The following FBXL18 variants were observed in gnomAD, a reference collection of about 807,000 sequenced individuals.
The protein encoded by FBXL18 is F-box and leucine rich repeat protein 18, also known as F-box/LRR-repeat protein 18.
A neutral mutation model predicts 46.0 loss-of-function variants in FBXL18; 36 were observed. The ratio of observed to expected loss-of-function variants is 0.78; its 90% CI spans 0.60 to 1.03. FBXL18 has a LOEUF of 1.03. Among genes scored for constraint, FBXL18 ranks in the 50% least tolerant of loss-of-function variants. The pLI is 0.00. For missense variants in FBXL18, 977 were observed against 1,004.1 expected (o/e 0.97, Z 0.36); for synonymous variants, 557 against 465.3 (o/e 1.20, Z -2.54).
chr7:5,494,456 TTAAA>T lies in FBXL18; in HGVS notation c.1782-3011_1782-3008del, dbSNP rs371224540. ...CACACAAAAAAATAAATAAATAAAA[TTAAA>T]TAAATAATAAAATAAAACATCCAAA... On this transcript the variant is annotated intron_variant, in intron 3 of 4. Transcript: ENST00000382368. Among the ~76,000 whole-genome samples the T allele has an allele frequency of 4.6e-3, 697 of 152,156 alleles. 6 individuals are homozygous for T. The highest frequency in any genetic ancestry group is 0.017 in the Middle Eastern group (5 of 294).
rs367804446 is a variant in FBXL18 at position 5,481,901 on chromosome 7, G to T, written c.2031C>A (p.Val677=). Residue 677 remains valine (V), a synonymous_variant, in exon 5 of 5, where the codon GTC becomes GTA. Coordinates refer to ENST00000382368, the MANE Select transcript of FBXL18 (RefSeq NM_024963.6). ...CCTCGTGGAGCAGAGGGAAGATGAC[G>T]ACGTTTAACGCGGGCCGCTCGGCCT... ...SFQAERPALN[V]VIFPLLHEGL... is the part of the protein sequence containing the mutation. 3 of 1,612,384 alleles carry T rather than the reference G, an allele frequency of 1.9e-6. 1 individual carries two copies. In the South Asian group the frequency reaches 3.3e-5, roughly 18 times the overall value.
In FBXL18 at chr7:5,483,581, C is replaced by T. The variant is rs891567889; in HGVS notation, c.2001-1650G>A. Among the ~76,000 whole-genome samples, 148 of 151,798 alleles carry T rather than the reference C, an allele frequency of 9.7e-4. 5 individuals are homozygous for T. The highest frequency in any genetic ancestry group is 3.1e-4 in the Non-Finnish European group (21 of 67,964). ...CCAACATGGAGAAACCCCATCTCTA[C>T]TAATAATACAAAATTAGCCGGGCAT... On this transcript the variant is annotated intron_variant, in intron 4 of 4. Coordinates refer to ENST00000382368, the MANE Select transcript of FBXL18 (RefSeq NM_024963.6).
At position 5,481,835 on chromosome 7, in the gene FBXL18, C is replaced by G. The variant is rs1391936056; in HGVS notation, c.2097G>C (p.Leu699=). The G allele has an allele frequency of 6.2e-7, 1 of 1,613,848 alleles. No homozygotes were observed. ...DVIRDVPLVH[L]DEITLFKSRV... ...TGCTCTTAAATAAGGTGATCTCATC[C>G]AGGTGCACCAGGGGGACGTCCCGGA... Residue 699 remains leucine (L), a synonymous_variant, in exon 5 of 5, where the codon CTG becomes CTC. Transcript: ENST00000382368.
intron 1 of FBXL18, among the ~76,000 whole-genome samples, chr7:5,506,968 G>A (rs181683753): frequency 1.6e-3 from 251 of 152,330 alleles, no homozygotes; most frequent in African/African-American, 5.7e-3. Context: ...AGAGGGAGAA[G>A]AGCTGGACCT....
intron 1 of FBXL18, among the ~76,000 whole-genome samples, chr7:5,512,960 C>A (rs1784577988): frequency 6.6e-6 from 1 of 152,274 alleles, no homozygotes; most frequent in South Asian, 2.1e-4. Context: ...ACCCAACGAT[C>A]TGAGACCTGA....
rs1584197813 is a variant in FBXL18 at position 5,479,358 on chromosome 7, A to C, written c.*2417T>G. ...CTAGCCCGAGTGGGGAATGTTCTGG[A>C]GGAAGGAGTGGGGCGGAGCTGCGGT... is the stretch of plus-strand genomic sequence containing the variant. On this transcript the variant is annotated 3_prime_UTR_variant, in exon 5 of 5. Transcript: ENST00000382368. The C allele has an allele frequency of 6.6e-6, 1 of 152,386 alleles. No homozygotes were observed. The highest frequency in any genetic ancestry group is 1.5e-5 in the Non-Finnish European group (1 of 68,116). 9.4% of individuals were successfully genotyped at this position (152,386 alleles called of 1,614,324 possible). A position where few individuals can be genotyped will look rare whatever the true frequency, so the allele number is the denominator to read the frequency against.
chr7:5,484,706 T>C (rs1428752815), intron 4 of FBXL18, among the ~76,000 whole-genome samples: 1 of 151,012 alleles, frequency 6.6e-6, no homozygotes, highest in African/African-American at 2.4e-5. Context: ...TCGCGTGATC[T>C]TGGCTCAATG....
chr7:5,463,706 T>TATATATATATATA lies in FBXL18; in HGVS notation c.2001-15864_2001-15863insTATATATATATAT, dbSNP rs374634728. On this transcript the variant is annotated intron_variant and NMD_transcript_variant, in intron 4 of 6. Coordinates refer to the FBXL18 transcript ENST00000415009. ...TCATGCCCCTGAACTATATATATAT[T>TATATATATATATA]TATTTATTTATTTATTTATTTATTT... 1.1e-3 allele frequency among the ~76,000 whole-genome samples: 64 copies of TATATATATATATA among 59,450 alleles called. 7 individuals are homozygous for TATATATATATATA. Among genetic ancestry groups the TATATATATATATA allele is most frequent in the African/African-American group, 3.2e-3 (43 of 13,536 alleles). The allele number at this position is 59,450 out of a possible 152,430, so 39.0% of individuals were successfully genotyped here.
intron 4 of FBXL18, among the ~76,000 whole-genome samples, chr7:5,457,901 G>A (rs891049928): frequency 1.5e-4 from 23 of 152,154 alleles, no homozygotes; most frequent in African/African-American, 5.3e-4. Context: ...CCCCTGCCAC[G>A]ACGGAGCAAC....
At chr7:5,463,116 A>G (rs928059934) in intron 4 of FBXL18, among the ~76,000 whole-genome samples, 1 of 149,926 alleles carries the variant, frequency 6.7e-6, no homozygotes, top group African/African-American at 2.5e-5. Flanking sequence ...CCTCACATCT[A>G]CTAAGATGCC....
chr7:5,501,533 C>T lies in FBXL18; in HGVS notation c.736G>A (p.Val246Met), dbSNP rs371404308. The change falls in exon 3 of 5, where the codon GTG becomes ATG. Residue 246 changes from valine (V) to methionine (M), a missense_variant. Coordinates refer to ENST00000382368, the MANE Select transcript of FBXL18 (RefSeq NM_024963.6). ...AGCACAGCCAGGTAGAGCCGCACCA[C>T]CTCCTGGTTGATGTAGCCGGGGGCC... ...RLAPGYINQE[V>M]VRLYLAVLSD... is the part of the protein sequence containing the mutation. 3.1e-6 allele frequency: 5 copies of T among 1,613,830 alleles called. No homozygotes were observed. Among genetic ancestry groups the T allele is most frequent in the Non-Finnish European group, 4.2e-6 (5 of 1,180,020 alleles).
chr7:5,465,178 T>A (rs1407848045), intron 4 of FBXL18, among the ~76,000 whole-genome samples: 3 of 152,216 alleles, frequency 2.0e-5, no homozygotes, highest in Admixed American at 6.5e-5. Context: ...ATTTTTTGTT[T>A]ACCAGATCTA....
At chr7:5,499,707 GGT>G (rs1231401871) in intron 3 of FBXL18, among the ~76,000 whole-genome samples, 10 of 150,080 alleles carry the variant, frequency 6.7e-5, no homozygotes, top group Non-Finnish European at 3.0e-5. Flanking sequence ...CTCCAGCCTG[GGT>G]GTGTAGAATG....
In FBXL18 at chr7:5,505,416, T is replaced by C. The variant is rs535129166; in HGVS notation, c.233A>G (p.Tyr78Cys). 6.2e-7 allele frequency: 1 copy of C among 1,614,028 alleles called. No homozygotes were observed. The highest frequency in any genetic ancestry group is 1.3e-5 in the African/African-American group (1 of 75,020). The change falls in exon 2 of 5, where the codon TAT (tyrosine) becomes TGT (cysteine). Residue 78 changes from tyrosine (Y) to cysteine (C), a missense_variant. By Grantham distance (194) the Tyr-to-Cys change is radical. Transcript: ENST00000382368. The part of the protein sequence containing the change: ...LIHTVLLQKD[Y>C]QASEDKVRQL... ...CCTGCCCCCACGCCTGCTCACCTGA[T>C]AGTCCTTTTGCAGCAACACGGTGTG... is the stretch of plus-strand genomic sequence containing the variant.
At chr7:5,482,110 C>T (rs1783663686) in intron 4 of FBXL18, among the ~76,000 whole-genome samples, 179 bp from the exon 5 acceptor site, 1 of 152,220 alleles carries the variant, frequency 6.6e-6, no homozygotes, top group Non-Finnish European at 1.5e-5. Context: ...CTGTACGTGG[C>T]AGACAGAGCT....
intron 4 of FBXL18, among the ~76,000 whole-genome samples, chr7:5,467,774 A>G (rs1193483135): frequency 1.3e-5 from 2 of 152,114 alleles, no homozygotes; most frequent in Non-Finnish European, 2.9e-5. Flanking sequence ...TAAAGAAACA[A>G]TCCTAAAGAT....
At position 5,496,046 on chromosome 7, in the gene FBXL18, TG is replaced by T. The variant is rs1294924139; in HGVS notation, c.1781+4441del. 1 of 366,446 alleles carries T rather than the reference TG, an allele frequency of 2.7e-6. No individual in the cohort carries two copies. Among genetic ancestry groups the T allele is most frequent in the Non-Finnish European group, 5.6e-6 (1 of 177,158 alleles). The allele number at this position is 366,446 out of a possible 1,614,324, so 22.7% of individuals were successfully genotyped here. ...TGGCCCTGCTCCTGAGGAAGGCCCT[TG>T]GCCACGGGGATTCCGTCCCAGACTC... On this transcript the variant is annotated intron_variant, in intron 3 of 4. Transcript: ENST00000382368. The surrounding 1 kb of genome is among the most constrained non-coding windows in gnomAD (Gnocchi z 4.8).
chr7:5,466,078 A>G (rs1232199109), intron 4 of FBXL18, among the ~76,000 whole-genome samples: 1 of 151,980 alleles, frequency 6.6e-6, no homozygotes, highest in Non-Finnish European at 1.5e-5. Context: ...TCGGCCTCCC[A>G]AAATGCTGGG....
chr7:5,503,304 AGCCTG>A (rs1784314900), intron 2 of FBXL18, among the ~76,000 whole-genome samples: 1 of 152,216 alleles, frequency 6.6e-6, no homozygotes, highest in Non-Finnish European at 1.5e-5. Context: ...GGATGGCTTG[AGCCTG>A]GGAGGTGGAC....
Sources: gnomAD v4.1 joint callset for allele counts (sites outside exome capture counted in the v4.1 genomes callset) on GRCh38, gnomAD v4.1.1 for gene constraint, Gnocchi (gnomAD v3.1) non-coding constraint, MANE v1.5 for transcripts, NCBI Gene and HGNC (gene_info 2026-07-23, HGNC 2026-07-21) for gene names.